Variants in CEP44 observed in about 807,000 individuals in gnomAD.
CEP44 encodes the protein centrosomal protein 44.
Under a neutral mutation model 46.7 loss-of-function variants are expected in CEP44, and 45 were observed. That is an observed-to-expected ratio of 0.96 (90% CI 0.76 to 1.24). The LOEUF is 1.24. Ranked by LOEUF, CEP44 falls within the 50% of genes most tolerant of loss-of-function variation. The pLI is 0.00. For synonymous variants in CEP44, 142 were observed against 146.0 expected, an observed-to-expected ratio of 0.97 and a Z score of 0.20; for missense variants, 475 against 459.7, an observed-to-expected ratio of 1.03 and a Z score of -0.30.
intron 1 of CEP44, among the ~76,000 whole-genome samples, chr4:174,293,202 G>A (rs1452255628): frequency 6.6e-6 from 1 of 152,216 alleles, no homozygotes; most frequent in Non-Finnish European, 1.5e-5. Flanking sequence ...AAGTCTTCCT[G>A]TGAGACCTTG....
At chr4:174,307,037 C>T (rs999579141) in intron 6 of CEP44, among the ~76,000 whole-genome samples, 1 of 152,066 alleles carries the variant, frequency 6.6e-6, no homozygotes, top group African/African-American at 2.4e-5. Flanking sequence ...ACTGTACTGC[C>T]CAAAGCAATT....
At chr4:174,304,106 TAA>T in intron 5 of CEP44, 139 bp from the exon 6 acceptor site, 3 of 1,086,530 alleles carry the variant, frequency 2.8e-6, no homozygotes, top group African/African-American at 1.6e-5. Flanking sequence ...TCTTAGTTTT[TAA>T]AAGTCATGTA....
chr4:174,293,747 G>T (rs1325577724), intron 1 of CEP44, among the ~76,000 whole-genome samples: 1 of 152,040 alleles, frequency 6.6e-6, no homozygotes, highest in Non-Finnish European at 1.5e-5. Flanking sequence ...TGCAAATGAA[G>T]ACCACTTTAT....
At chr4:174,333,061 A>G (rs1179256631) in exon 9 of CEP44, 6 of 152,110 alleles carry the variant, frequency 3.9e-5, no homozygotes, top group Non-Finnish European at 8.8e-5. Flanking sequence ...ATTTTAGATA[A>G]GACAAGAATT....
chr4:174,293,123 A>C (rs1233129754), intron 1 of CEP44, among the ~76,000 whole-genome samples: 1 of 152,170 alleles, frequency 6.6e-6, no homozygotes, highest in Non-Finnish European at 1.5e-5. Context: ...GTTCAAAATC[A>C]GGTCTGCGGT....
At position 174,290,567 on chromosome 4, in the gene CEP44, T is replaced by C. The variant is rs1368723022; in HGVS notation, c.-148+6624T>C. ...TGCATGTTAGGTCTTTGGTCTATAGTGTTGTATAGTTTGCAATTTACTTGT... is the reference window on the plus strand; with the variant it reads ...TGCATGTTAGGTCTTTGGTCTATAGCGTTGTATAGTTTGCAATTTACTTGT... On this transcript the variant is annotated intron_variant, in intron 1 of 11. Transcript: ENST00000503780. The surrounding 1 kb of genome is among the most constrained non-coding windows in gnomAD (Gnocchi z 4.3). Among the ~76,000 whole-genome samples, 1 of 151,980 alleles carries C rather than the reference T, an allele frequency of 6.6e-6. No individual in the cohort carries two copies. The highest frequency in any genetic ancestry group is 1.5e-5 in the Non-Finnish European group (1 of 67,948).
rs767024961 is a variant in CEP44 at position 174,304,347 on chromosome 4, G to A, written c.485G>A (p.Gly162Asp). 6.2e-7 allele frequency: 1 copy of A among 1,611,158 alleles called. No homozygotes were observed. Among genetic ancestry groups the A allele is most frequent in the Non-Finnish European group, 8.5e-7 (1 of 1,179,140 alleles). Residue 162 changes from glycine (G) to aspartate (D), a missense_variant, in exon 6 of 12, where the codon GGC becomes GAC. Transcript: ENST00000503780. ...SAEAVGVDIS[G>D]RFMTSGKKKA... is the part of the protein sequence containing the mutation. ...GAGGCTGTTGGCGTTGATATCAGTGGCAGGTTTATGACCTCAGGAAAGGTA... is the reference window on the plus strand; with the variant it reads ...GAGGCTGTTGGCGTTGATATCAGTGACAGGTTTATGACCTCAGGAAAGGTA...
At chr4:174,317,153 C>T (rs1197499491) in intron 11 of CEP44, among the ~76,000 whole-genome samples, 182 bp from the exon 12 acceptor site, 1 of 151,950 alleles carries the variant, frequency 6.6e-6, no homozygotes, top group South Asian at 2.1e-4. Flanking sequence ...GAATATGACT[C>T]ATAATCGACT....
In CEP44 at chr4:174,317,436, ATTTT is replaced by A; in HGVS notation, c.*54_*57del. 1.5e-6 allele frequency: 2 copies of A among 1,325,824 alleles called. No individual in the cohort carries two copies. Among genetic ancestry groups the A allele is most frequent in the Non-Finnish European group, 2.0e-6 (2 of 1,011,328 alleles). 82.1% of individuals were successfully genotyped at this position (1,325,824 alleles called of 1,614,324 possible). On this transcript the variant is annotated 3_prime_UTR_variant, in exon 12 of 12. Coordinates refer to ENST00000503780, the MANE Select transcript of CEP44 (RefSeq NM_001040157.3). ...ACTTTGGTTACTATACATATTGTAT[ATTTT>A]AAGAATTCTTTATACAATTTTAATA... is the stretch of plus-strand genomic sequence containing the variant.
Position 174,314,391 on chromosome 4 carries a change from G to T in CEP44, c.962-1775G>T, listed in dbSNP as rs1741421549. Among the ~76,000 whole-genome samples, 1 of 152,172 alleles carries T rather than the reference G, an allele frequency of 6.6e-6. No individual in the cohort carries two copies. Among genetic ancestry groups the T allele is most frequent in the African/African-American group, 2.4e-5 (1 of 41,442 alleles). On this transcript the variant is annotated intron_variant, in intron 9 of 11. Transcript: ENST00000503780. This position sits in a 1 kb window ranked among gnomAD's most constrained non-coding sequence, Gnocchi z 4.1. ...TAAGAAAAAATATAGAAATTAATGT[G>T]CAGTTAACTGATCTGGCTATTAAAT... is the stretch of plus-strand genomic sequence containing the variant.
Position 174,310,778 on chromosome 4 carries a change from TC to T in CEP44, c.886-3del. ...CATTCTAAATATTTAACTGTGTTAT[TC>T]CAGAATGATGAATTTATAGAGTTTA... On this transcript the variant is annotated splice_polypyrimidine_tract_variant and splice_region_variant and intron_variant, in intron 8 of 11. Coordinates refer to ENST00000503780, the MANE Select transcript of CEP44 (RefSeq NM_001040157.3). The surrounding 1 kb of genome is among the most constrained non-coding windows in gnomAD (Gnocchi z 4.2). 7.4e-7 allele frequency: 1 copy of T among 1,348,902 alleles called. No homozygotes were observed. The highest frequency in any genetic ancestry group is 1.0e-6 in the Non-Finnish European group (1 of 959,170). 83.6% of individuals were successfully genotyped at this position (1,348,902 alleles called of 1,614,324 possible). A position where few individuals can be genotyped will look rare whatever the true frequency, so the allele number is the denominator to read the frequency against.
At chr4:174,322,932 T>C (rs1220425291), downstream of CEP44, among the ~76,000 whole-genome samples, 2 of 152,140 alleles carry the variant, frequency 1.3e-5, no homozygotes, top group African/African-American at 4.8e-5. Flanking sequence ...CACTGATATT[T>C]TTGAGCCTAA....
At chr4:174,304,149 A>G (rs539607470) in intron 5 of CEP44, 98 bp from the exon 6 acceptor site, 35 of 1,320,360 alleles carry the variant, frequency 2.7e-5, no homozygotes, top group South Asian at 4.7e-5. Context: ...TTTGTCAGCT[A>G]TATTTCATAT....
chr4:174,284,696 C>T (rs1560881100), intron 1 of CEP44, among the ~76,000 whole-genome samples: 1 of 152,142 alleles, frequency 6.6e-6, no homozygotes, highest in Admixed American at 6.5e-5. Context: ...GTCCCTTACT[C>T]CTCCCCACTC....
Position 174,315,008 on chromosome 4 carries a change from G to A in CEP44, c.962-1158G>A, listed in dbSNP as rs775650737. Reference sequence around the variant, plus strand: ...GGGCCGGGCTGGCCATGTGGTGGAAGTTTACGCTGATGAGTCAGCAGAGAA... The same window carrying A: ...GGGCCGGGCTGGCCATGTGGTGGAAATTTACGCTGATGAGTCAGCAGAGAA... On this transcript the variant is annotated intron_variant, in intron 9 of 11. Transcript: ENST00000503780. 4.6e-5 allele frequency among the ~76,000 whole-genome samples: 7 copies of A among 152,300 alleles called. No homozygotes were observed. In the South Asian group the frequency reaches 1.0e-3, roughly 23 times the overall value.
rs1246642004 is a variant in CEP44 at position 174,287,838 on chromosome 4, G to T, written c.-148+3895G>T. Among the ~76,000 whole-genome samples the T allele has an allele frequency of 6.6e-6, 1 of 152,188 alleles. No individual in the cohort carries two copies. On this transcript the variant is annotated intron_variant, in intron 1 of 11. Transcript: ENST00000503780. This position sits in a 1 kb window ranked among gnomAD's most constrained non-coding sequence, Gnocchi z 5.1. ...ATAATTTCATGGTAAGAAAGAAAAT[G>T]AATTAGGTAGAGCTAGTAATACCAG...
At position 174,326,030 on chromosome 4, in the gene CEP44, T is replaced by C. The variant is rs1051920821; in HGVS notation, c.1087-5452T>C. Among the ~76,000 whole-genome samples the C allele has an allele frequency of 1.4e-4, 21 of 152,174 alleles. No individual in the cohort carries two copies. Among genetic ancestry groups the C allele is most frequent in the Non-Finnish European group, 1.8e-4 (12 of 68,014 alleles). ...CTCTTTTATCAAATCTAAAAATCTC[T>C]GGAATGTTTAGATTATTTACATTTA... On this transcript the variant is annotated intron_variant, in intron 8 of 8. Transcript: ENST00000426172. The surrounding 1 kb of genome is among the most constrained non-coding windows in gnomAD (Gnocchi z 4.8).
chr4:174,316,391 T>TCTTA lies in CEP44; in HGVS notation c.1086+102_1086+105dup. ...TAGCAAGAAAAATAGCAAACGCGAA[T>TCTTA]CTTAGTCTCTCAAAATTCTTTCATA... On this transcript the variant is annotated intron_variant, in intron 10 of 11. Transcript: ENST00000503780. 3 of 1,389,904 alleles carry TCTTA rather than the reference T, an allele frequency of 2.2e-6. No individual in the cohort carries two copies. In the Admixed American group the frequency reaches 5.5e-5, roughly 26 times the overall value. The allele number at this position is 1,389,904 out of a possible 1,614,324, so 86.1% of individuals were successfully genotyped here.
chr4:174,296,387 C>T (rs955396171), intron 1 of CEP44, among the ~76,000 whole-genome samples: 2 of 152,150 alleles, frequency 1.3e-5, no homozygotes, highest in Non-Finnish European at 2.9e-5. Context: ...CATTTTCTCT[C>T]GTTCATGAGA....
Sources: gnomAD v4.1 joint callset for allele counts (sites outside exome capture counted in the v4.1 genomes callset) on GRCh38, gnomAD v4.1.1 for gene constraint, Gnocchi (gnomAD v3.1) non-coding constraint, MANE v1.5 for transcripts, NCBI Gene and HGNC (gene_info 2026-07-23, HGNC 2026-07-21) for gene names.